The following CAMTA1 variants were observed in gnomAD, a reference collection of about 807,000 sequenced individuals.
The protein encoded by CAMTA1 is calmodulin-binding transcription activator 1.
Under a neutral mutation model 170.9 loss-of-function variants are expected in CAMTA1, and 27 were observed. The ratio of observed to expected loss-of-function variants is 0.16; its 90% CI spans 0.12 to 0.22. The LOEUF (loss-of-function observed/expected upper bound fraction) is 0.22, where lower values mean the gene tolerates loss of function less well. Among genes scored for constraint, CAMTA1 ranks in the 10% least tolerant of loss-of-function variants. The pLI, the probability that CAMTA1 is intolerant of heterozygous loss-of-function variation, is 1.00. For missense variants in CAMTA1, 1,619 were observed against 2,217.2 expected, an observed-to-expected ratio of 0.73 and a Z score of 5.42; for synonymous variants, 833 against 891.5, an observed-to-expected ratio of 0.93 and a Z score of 1.17.
chr1:7,081,751 A>G (rs1640039278), intron 3 of CAMTA1, among the ~76,000 whole-genome samples: 1 of 152,222 alleles, frequency 6.6e-6, no homozygotes, highest in African/African-American at 2.4e-5. Flanking sequence ...AGCGCCAAGC[A>G]GTGGTTGCTG....
intron 11 of CAMTA1, among the ~76,000 whole-genome samples, chr1:7,713,345 GTC>G (rs1388486680): frequency 6.6e-6 from 1 of 152,176 alleles, no homozygotes; most frequent in Non-Finnish European, 1.5e-5. Context: ...CTCGGAGACT[GTC>G]TATATCAAAA....
chr1:7,664,156 A>G lies in CAMTA1; in HGVS notation c.1609A>G (p.Thr537Ala). 6.2e-7 allele frequency: 1 copy of G among 1,612,864 alleles called. No individual in the cohort carries two copies. The highest frequency in any genetic ancestry group is 8.5e-7 in the Non-Finnish European group (1 of 1,180,018). ...CACCAAGGAGATCAAGACCGAGGAC[A>G]CCTCCTTCGAGCAGCAGATGGCCAA... is the stretch of plus-strand genomic sequence containing the variant. ...VLTKEIKTEDTSFEQQMAKEA... is the reference protein window; with the variant it reads ...VLTKEIKTEDASFEQQMAKEA... The change falls in exon 9 of 23, where the codon ACC becomes GCC. Residue 537 changes from threonine (T) to alanine (A), a missense_variant. This residue lies in a region of CAMTA1 where 731 missense variants were observed against 907.6 expected (regional missense o/e 0.81). Transcript: ENST00000303635.
chr1:7,483,411 C>T (rs926809654), intron 6 of CAMTA1, among the ~76,000 whole-genome samples: 26 of 152,306 alleles, frequency 1.7e-4, no homozygotes, highest in East Asian at 5.8e-4. Flanking sequence ...GAGCCTGGGC[C>T]GGAGGGAGAC....
At chr1:7,305,056 T>C (rs1369653894) in intron 5 of CAMTA1, among the ~76,000 whole-genome samples, 1 of 152,130 alleles carries the variant, frequency 6.6e-6, no homozygotes, top group Non-Finnish European at 1.5e-5. Flanking sequence ...TACAACTTTA[T>C]TTTTCTTCTC....
At chr1:7,028,782 G>A (rs879657694) in intron 3 of CAMTA1, among the ~76,000 whole-genome samples, 14 of 152,186 alleles carry the variant, frequency 9.2e-5, no homozygotes, top group Non-Finnish European at 2.1e-4. Context: ...GACTGTCAGA[G>A]GTAGGTGGAT....
chr1:7,399,737 G>A (rs1293356515), intron 5 of CAMTA1, among the ~76,000 whole-genome samples: 4 of 152,110 alleles, frequency 2.6e-5, no homozygotes, highest in African/African-American at 7.2e-5. Flanking sequence ...AGATAGTTTT[G>A]TTGGGCATAA....
chr1:7,121,522 A>G (rs1392671954), intron 4 of CAMTA1, among the ~76,000 whole-genome samples: 1 of 152,190 alleles, frequency 6.6e-6, no homozygotes, highest in Non-Finnish European at 1.5e-5. Flanking sequence ...TCATGGGTGA[A>G]GTGCATGGAG....
At chr1:7,118,461 T>TA (rs928279564) in intron 4 of CAMTA1, among the ~76,000 whole-genome samples, 156 of 150,192 alleles carry the variant, frequency 1.0e-3, no homozygotes, top group African/African-American at 3.4e-3. Context: ...CCTGGCTAAT[T>TA]AAAAAAAAAA....
At chr1:6,959,687 C>G (rs1690052562) in intron 3 of CAMTA1, among the ~76,000 whole-genome samples, 1 of 152,224 alleles carries the variant, frequency 6.6e-6, no homozygotes, top group Non-Finnish European at 1.5e-5. Flanking sequence ...CATGCATTAT[C>G]TTAGGAATCA....
chr1:7,003,328 G>C (rs1034919283), intron 3 of CAMTA1, among the ~76,000 whole-genome samples: 1 of 152,252 alleles, frequency 6.6e-6, no homozygotes, highest in Non-Finnish European at 1.5e-5. Context: ...TGTTATATCT[G>C]AATTGCATTT....
intron 5 of CAMTA1, among the ~76,000 whole-genome samples, chr1:7,415,622 C>T (rs1357308587): frequency 1.3e-5 from 2 of 152,154 alleles, no homozygotes; most frequent in Non-Finnish European, 2.9e-5. Flanking sequence ...GTAGATCTTC[C>T]TCCATCCCTT....
intron 9 of CAMTA1, among the ~76,000 whole-genome samples, chr1:7,668,388 AACACACACACACACAC>A (rs779206499): frequency 5.9e-5 from 6 of 101,476 alleles, no homozygotes; most frequent in South Asian, 7.0e-4. Flanking sequence ...GCTGGTCACC[AACACACACACACACAC>A]ACACACACAC....
At chr1:7,353,807 G>A (rs2084888473) in intron 5 of CAMTA1, among the ~76,000 whole-genome samples, 1 of 152,000 alleles carries the variant, frequency 6.6e-6, no homozygotes, top group South Asian at 2.1e-4. Context: ...TTTGTTACAT[G>A]GGTAAATTGT....
intron 5 of CAMTA1, among the ~76,000 whole-genome samples, chr1:7,428,077 A>G (rs534520747): frequency 6.6e-6 from 1 of 152,112 alleles, no homozygotes; most frequent in Non-Finnish European, 1.5e-5. Flanking sequence ...TCTGGGAAGC[A>G]CTGTGTGTCT....
At chr1:7,230,826 C>T (rs758185348) in intron 4 of CAMTA1, among the ~76,000 whole-genome samples, 6 of 152,088 alleles carry the variant, frequency 3.9e-5, no homozygotes, top group Non-Finnish European at 8.8e-5. Context: ...CTGGCGCCCG[C>T]AATGTCTCTA....
rs575390940 is a variant in CAMTA1 at position 7,209,323 on chromosome 1, T to G, written c.303-40168T>G. ...CAGAAAAACTGCCAAGTTTGTTGTT[T>G]TAGACATTGGCTTTTAAAATATTGC... On this transcript the variant is annotated intron_variant, in intron 4 of 22. Coordinates refer to ENST00000303635, the MANE Select transcript of CAMTA1 (RefSeq NM_015215.4). Among the ~76,000 whole-genome samples the G allele has an allele frequency of 2.0e-4, 30 of 152,354 alleles. No individual in the cohort carries two copies. In the South Asian group the frequency reaches 4.1e-3, roughly 21 times the overall value.
In CAMTA1 at chr1:6,792,129, C is replaced by T. The variant is rs1027986175; in HGVS notation, c.45+6554C>T. 5.9e-5 allele frequency among the ~76,000 whole-genome samples: 9 copies of T among 151,716 alleles called. 1 individual carries two copies. In the East Asian group the frequency reaches 7.8e-4, roughly 13 times the overall value. ...CCACCATGCCCGGCTAATTTTTTTT[C>T]GTATTTTTAGTAGAGACGGGGTTTC... On this transcript the variant is annotated intron_variant, in intron 1 of 22. Transcript: ENST00000303635.
chr1:7,692,073 A>T (rs773702455), intron 11 of CAMTA1, among the ~76,000 whole-genome samples: 2 of 152,106 alleles, frequency 1.3e-5, no homozygotes, highest in Non-Finnish European at 2.9e-5. Context: ...TTTAGGATCC[A>T]GCCACCCGGA....
chr1:7,413,004 A>G (rs1242143731), intron 5 of CAMTA1, among the ~76,000 whole-genome samples: 2 of 151,490 alleles, frequency 1.3e-5, no homozygotes, highest in Admixed American at 6.6e-5. Flanking sequence ...ACCATTTATT[A>G]AATAGGGAAT....
Sources: allele counts gnomAD v4.1 joint callset (sites outside exome capture counted in the v4.1 genomes callset), GRCh38; gene constraint gnomAD v4.1.1; regional missense constraint gnomAD v4.1.1; transcripts MANE v1.5; gene names NCBI Gene and HGNC (gene_info 2026-07-23, HGNC 2026-07-21).